Variants in PTPRF observed in about 807,000 individuals in gnomAD.
The protein encoded by PTPRF is receptor-type tyrosine-protein phosphatase F.
Under a neutral mutation model 201.8 loss-of-function variants are expected in PTPRF, and 59 were observed. That is an observed-to-expected ratio of 0.29 (90% CI 0.24 to 0.36). The LOEUF is 0.36. Among genes scored for constraint, PTPRF ranks in the 10% least tolerant of loss-of-function variants. The pLI, the probability that PTPRF is intolerant of heterozygous loss-of-function variation, is 1.00. For missense variants in PTPRF, 2,132 were observed against 2,690.5 expected, an observed-to-expected ratio of 0.79 and a Z score of 4.59; for synonymous variants, 1,088 against 1,089.7, an observed-to-expected ratio of 1.00 and a Z score of 0.03.
At chr1:43,534,549 G>A (rs950353761) in intron 1 of PTPRF, among the ~76,000 whole-genome samples, 1 of 152,150 alleles carries the variant, frequency 6.6e-6, no homozygotes, top group Non-Finnish European at 1.5e-5. Context: ...GTGGTTGAGC[G>A]GGCCTTCACT....
At chr1:43,593,030 C>T (rs1651259548) in intron 11 of PTPRF, among the ~76,000 whole-genome samples, 1 of 152,236 alleles carries the variant, frequency 6.6e-6, no homozygotes, top group South Asian at 2.1e-4. Context: ...ACCCACATTC[C>T]CTTCCTCATA....
Position 43,622,262 on chromosome 1 carries a change from CT to C in PTPRF, c.*260del. 2.0e-6 allele frequency: 1 copy of C among 511,694 alleles called. No individual in the cohort carries two copies. The highest frequency in any genetic ancestry group is 3.4e-5 in the Admixed American group (1 of 29,818). The allele number at this position is 511,694 out of a possible 1,614,324, so 31.7% of individuals were successfully genotyped here. ...AGACCCACCTGGAGCCCGCTTCAAG[CT>C]CTCTGTTGCGCTCCCGCATTTCTCA... On this transcript the variant is annotated 3_prime_UTR_variant, in exon 34 of 34. Transcript: ENST00000359947.
At position 43,603,451 on chromosome 1, in the gene PTPRF, C is replaced by G; in HGVS notation, c.2376C>G (p.Thr792=). 1 of 1,614,194 alleles carries G rather than the reference C, an allele frequency of 6.2e-7. No individual in the cohort carries two copies. The highest frequency in any genetic ancestry group is 8.5e-7 in the Non-Finnish European group (1 of 1,180,030). The part of the protein sequence containing the change: ...TTISGLTPET[T]YSVTVAAYTT... ...TCAGCGGCCTGACCCCGGAGACCACCTACTCCGTTACTGTTGCTGCCTATA... is the reference window on the plus strand; with the variant it reads ...TCAGCGGCCTGACCCCGGAGACCACGTACTCCGTTACTGTTGCTGCCTATA... The change falls in exon 15 of 34, where the codon ACC becomes ACG. Residue 792 remains threonine, a synonymous_variant. Coordinates refer to ENST00000359947, the MANE Select transcript of PTPRF (RefSeq NM_002840.5). This position sits in a 1 kb window ranked among gnomAD's most constrained non-coding sequence, Gnocchi z 5.8.
chr1:43,545,396 C>T (rs1275458024), intron 3 of PTPRF, among the ~76,000 whole-genome samples: 1 of 152,132 alleles, frequency 6.6e-6, no homozygotes, highest in Non-Finnish European at 1.5e-5. Flanking sequence ...AATCGTGACC[C>T]TGTCTTATGG....
At chr1:43,616,507 G>A (rs1220023445) in intron 23 of PTPRF, among the ~76,000 whole-genome samples, 3 of 151,830 alleles carry the variant, frequency 2.0e-5, no homozygotes, top group Non-Finnish European at 4.4e-5. Flanking sequence ...CTGGCCCAGG[G>A]CAGTGGCAGC....
intron 11 of PTPRF, among the ~76,000 whole-genome samples, chr1:43,596,689 G>A (rs1448210070): frequency 2.6e-5 from 4 of 152,226 alleles, no homozygotes; most frequent in Non-Finnish European, 5.9e-5. Context: ...AAGGGCCACT[G>A]GGGCCACTCT....
At chr1:43,549,941 A>G (rs1161654823) in intron 3 of PTPRF, among the ~76,000 whole-genome samples, 2 of 152,100 alleles carry the variant, frequency 1.3e-5, no homozygotes, top group Non-Finnish European at 2.9e-5. Context: ...AGAGAGGAAC[A>G]TCAGGCCCGT....
upstream of PTPRF, among the ~76,000 whole-genome samples, chr1:43,525,895 G>A (rs1643089852): frequency 6.6e-6 from 1 of 151,688 alleles, no homozygotes; most frequent in Non-Finnish European, 1.5e-5. Context: ...GGAGATGGAG[G>A]AATAGAGGCG....
rs763045949 is a variant in PTPRF at position 43,591,855 on chromosome 1, C to T, written c.1575C>T (p.Asp525=). ...PADFQAEVES[D]TRIQLSWLLP... The stretch of plus-strand genomic sequence containing the variant: ...ACTTCCAGGCCGAGGTGGAGTCGGA[C>T]ACCAGGATCCAGCTCTCGTGGCTGC... The change falls in exon 10 of 34, where the codon GAC becomes GAT. Residue 525 remains aspartate, a synonymous_variant. Coordinates refer to ENST00000359947, the MANE Select transcript of PTPRF (RefSeq NM_002840.5). 1.2e-6 allele frequency: 2 copies of T among 1,613,508 alleles called. No homozygotes were observed. The highest frequency in any genetic ancestry group is 2.2e-5 in the East Asian group (1 of 44,878).
At chr1:43,606,607 C>A in intron 20 of PTPRF, 149 bp downstream of exon 20, 1 of 1,099,288 alleles carries the variant, frequency 9.1e-7, no homozygotes, top group Non-Finnish European at 1.3e-6. Flanking sequence ...AAGATCTGTC[C>A]CGGGGATCCT....
chr1:43,601,048 A>T (rs1265611596), intron 13 of PTPRF, among the ~76,000 whole-genome samples: 1 of 152,210 alleles, frequency 6.6e-6, no homozygotes. Flanking sequence ...ACCTGTCCAG[A>T]GTCTCCTCTC....
At chr1:43,611,678 G>T (rs1442014525) in intron 22 of PTPRF, among the ~76,000 whole-genome samples, 1 of 152,160 alleles carries the variant, frequency 6.6e-6, no homozygotes, top group Non-Finnish European at 1.5e-5. Context: ...AGAAATTGAG[G>T]CAGGGAGACC....
intron 1 of PTPRF, among the ~76,000 whole-genome samples, chr1:43,534,634 G>A (rs1256204338): frequency 6.6e-6 from 1 of 152,090 alleles, no homozygotes; most frequent in Non-Finnish European, 1.5e-5. Flanking sequence ...TGGACATGTG[G>A]CCCTTGAGGT....
chr1:43,545,034 G>T lies in PTPRF; in HGVS notation c.-42G>T, dbSNP rs1318901914. The stretch of plus-strand genomic sequence containing the variant: ...TCTGCCCTTCTCTCCATTACAGGTT[G>T]ATTGTCCTGGGCTGTGGCTGGCTGT... On this transcript the variant is annotated 5_prime_UTR_variant, in exon 3 of 34. Coordinates refer to ENST00000359947, the MANE Select transcript of PTPRF (RefSeq NM_002840.5). The T allele has an allele frequency of 6.6e-7, 1 of 1,518,176 alleles. No individual in the cohort carries two copies. The highest frequency in any genetic ancestry group is 8.9e-7 in the Non-Finnish European group (1 of 1,120,682). The allele number at this position is 1,518,176 out of a possible 1,614,324, so 94.0% of individuals were successfully genotyped here. A position where few individuals can be genotyped will look rare whatever the true frequency, so the allele number is the denominator to read the frequency against.
At position 43,588,598 on chromosome 1, in the gene PTPRF, G is replaced by A. The variant is rs550115068; in HGVS notation, c.680-133G>A. ...AGTGGATGATGAGCTGGGGTCTGGC[G>A]GTGCCACCCCTCCTGTCTCTGAGCA... On this transcript the variant is annotated intron_variant, in intron 7 of 33. Transcript: ENST00000359947. The surrounding 1 kb of genome is among the most constrained non-coding windows in gnomAD (Gnocchi z 5.3). The A allele has an allele frequency of 9.9e-5, 119 of 1,201,080 alleles. 2 individuals carry two copies. In the Admixed American group the frequency reaches 1.5e-3, roughly 15 times the overall value. The allele number at this position is 1,201,080 out of a possible 1,614,324, so 74.4% of individuals were successfully genotyped here.
chr1:43,611,476 G>A (rs751122421), intron 22 of PTPRF, among the ~76,000 whole-genome samples: 5 of 152,176 alleles, frequency 3.3e-5, no homozygotes, highest in African/African-American at 4.8e-5. Context: ...GGAATACTGA[G>A]CCAAGAGAAG....
In PTPRF at chr1:43,591,458, T is replaced by C. The variant is rs1490262416; in HGVS notation, c.1436T>C (p.Leu479Pro). 6.3e-7 allele frequency: 1 copy of C among 1,595,468 alleles called. No individual in the cohort carries two copies. The highest frequency in any genetic ancestry group is 8.5e-7 in the Non-Finnish European group (1 of 1,173,622). ...CTCCTCACGACCGTGGGCAGCCTGCTGCCTGGCATCACCTACAGCCTGCGC... is the reference window on the plus strand; with the variant it reads ...CTCCTCACGACCGTGGGCAGCCTGCCGCCTGGCATCACCTACAGCCTGCGC... The part of the protein sequence containing the change: ...AGLLTTVGSL[L>P]PGITYSLRVL... The change falls in exon 9 of 34, where the codon CTG becomes CCG. Residue 479 changes from leucine to proline, a missense_variant. By Grantham distance (98) the Leu-to-Pro change is moderately conservative. Transcript: ENST00000359947.
chr1:43,617,679 G>T (rs1658201736), intron 24 of PTPRF, 57 bp from the exon 25 acceptor site: 1 of 1,600,670 alleles, frequency 6.2e-7, no homozygotes. Flanking sequence ...CTGAGGCATG[G>T]TGGGCTGGGC....
intron 1 of PTPRF, among the ~76,000 whole-genome samples, chr1:43,536,360 C>A (rs1255869747): frequency 6.6e-6 from 1 of 152,202 alleles, no homozygotes; most frequent in African/African-American, 2.4e-5. Context: ...TCATGCTGTT[C>A]TGTGTGCCTC....
Sources: allele counts gnomAD v4.1 joint callset (sites outside exome capture counted in the v4.1 genomes callset), GRCh38; gene constraint gnomAD v4.1.1; non-coding constraint Gnocchi (gnomAD v3.1); transcripts MANE v1.5; gene names NCBI Gene and HGNC (gene_info 2026-07-23, HGNC 2026-07-21).